The following POU6F2 variants were observed in gnomAD, a reference collection of about 807,000 sequenced individuals.
POU6F2 encodes POU class 6 homeobox 2.
A neutral mutation model predicts 71.3 loss-of-function variants in POU6F2; 31 were observed. The ratio of observed to expected loss-of-function variants is 0.43; its 90% CI spans 0.33 to 0.59. POU6F2 has a LOEUF of 0.59. POU6F2 is among the 20% of genes least tolerant of loss of function. The pLI is 0.04. For missense variants in POU6F2, 783 were observed against 856.8 expected, an observed-to-expected ratio of 0.91 and a Z score of 1.07; for synonymous variants, 347 against 355.7, an observed-to-expected ratio of 0.98 and a Z score of 0.27.
intron 5 of POU6F2, among the ~76,000 whole-genome samples, chr7:39,358,913 T>G (rs1284085073): frequency 6.6e-6 from 1 of 152,064 alleles, no homozygotes; most frequent in Non-Finnish European, 1.5e-5. Context: ...GAAGATGCTT[T>G]TATTGTCCCA....
intron 2 of POU6F2, among the ~76,000 whole-genome samples, chr7:39,141,809 C>T (rs532480221): frequency 1.3e-5 from 2 of 152,148 alleles, no homozygotes; most frequent in African/African-American, 2.4e-5. Flanking sequence ...CACACCAGAC[C>T]GGGCACGGTG....
At chr7:39,333,700 TG>T (rs1462968773) in intron 4 of POU6F2, among the ~76,000 whole-genome samples, 3 of 152,220 alleles carry the variant, frequency 2.0e-5, no homozygotes, top group African/African-American at 7.2e-5. Context: ...ATTGTGCCAC[TG>T]CACTCCAGCC....
intron 2 of POU6F2, among the ~76,000 whole-genome samples, chr7:39,147,816 A>G (rs922318131): frequency 6.6e-5 from 10 of 152,168 alleles, no homozygotes; most frequent in Admixed American, 5.9e-4. Context: ...TTTGTGTCCT[A>G]TACTTCATTT....
At chr7:39,310,306 A>G (rs552059378) in intron 4 of POU6F2, among the ~76,000 whole-genome samples, 2 of 152,248 alleles carry the variant, frequency 1.3e-5, no homozygotes, top group Non-Finnish European at 2.9e-5. Flanking sequence ...AACACGTTAT[A>G]CACACTTAGG....
rs1360944557 is a variant in POU6F2, at chr7:39,347,135, A to AGGGTAT, written c.972+7121_972+7126dup. On this transcript the variant is annotated intron_variant, in intron 5 of 9. Coordinates refer to ENST00000518318, the MANE Select transcript of POU6F2 (RefSeq NM_001370959.1). ...GGGATTAAATGCAATGGCTTATGTG[A>AGGGTAT]GGGTATCTAATTTGGTTCCTGATAG... is the stretch of plus-strand genomic sequence containing the variant. Among the ~76,000 whole-genome samples, 3 of 152,138 alleles carry AGGGTAT rather than the reference A, an allele frequency of 2.0e-5. No homozygotes were observed. The East Asian group carries it at 5.8e-4, about 29-fold the overall frequency.
chr7:39,358,295 T>C (rs1786301593), intron 5 of POU6F2, among the ~76,000 whole-genome samples: 1 of 152,100 alleles, frequency 6.6e-6, no homozygotes, highest in Non-Finnish European at 1.5e-5. Context: ...AAAAGAATAA[T>C]GTGGGTGGAC....
chr7:38,983,005 T>C (rs1245159495), intron 1 of POU6F2, among the ~76,000 whole-genome samples: 1 of 152,116 alleles, frequency 6.6e-6, no homozygotes, highest in African/African-American at 2.4e-5. Context: ...TTTCTCTTTA[T>C]TGCTTACAAA....
rs528746522 is a variant in POU6F2 at position 39,019,391 on chromosome 7, C to T, written c.105+41333C>T. ...GACCTTCTTTAGAATCCTTGTGTTC[C>T]GAAATTTTATAAGAATGTTCTTAGA... On this transcript the variant is annotated intron_variant, in intron 1 of 9. Transcript: ENST00000518318. 7.2e-5 allele frequency among the ~76,000 whole-genome samples: 11 copies of T among 152,136 alleles called. No individual in the cohort carries two copies. In the East Asian group the frequency reaches 1.7e-3, roughly 24 times the overall value.
intron 4 of POU6F2, among the ~76,000 whole-genome samples, chr7:39,276,451 G>T (rs1390147949): frequency 6.6e-6 from 1 of 151,958 alleles, no homozygotes; most frequent in Non-Finnish European, 1.5e-5. Context: ...TACACTGTTG[G>T]TGGAACTGTA....
chr7:39,143,419 G>A (rs1792548256), intron 2 of POU6F2, among the ~76,000 whole-genome samples: 1 of 152,242 alleles, frequency 6.6e-6, no homozygotes, highest in Non-Finnish European at 1.5e-5. Context: ...AAGAGTTGAA[G>A]CCAGGTCTAG....
chr7:39,189,442 A>G (rs563055624), intron 2 of POU6F2, among the ~76,000 whole-genome samples: 1 of 152,294 alleles, frequency 6.6e-6, no homozygotes, highest in South Asian at 2.1e-4. Flanking sequence ...GCAGTTGCAT[A>G]GGCTGGAGTG....
chr7:39,424,116 A>G (rs559176647), intron 6 of POU6F2, among the ~76,000 whole-genome samples: 9 of 152,296 alleles, frequency 5.9e-5, no homozygotes, highest in African/African-American at 1.4e-4. Flanking sequence ...AGTGGTAGGG[A>G]CCAGGGAACT....
intron 1 of POU6F2, among the ~76,000 whole-genome samples, chr7:39,068,941 G>A (rs556823987): frequency 4.6e-5 from 7 of 152,228 alleles, no homozygotes; most frequent in African/African-American, 1.7e-4. Context: ...GTTTGAGGAA[G>A]GATCCGGAAA....
Position 39,460,623 on chromosome 7 carries a change from C to A in POU6F2, c.1566C>A (p.Ile522=). The change falls in exon 9 of 10, where the codon ATC becomes ATA. Residue 522 remains isoleucine, a synonymous_variant. Transcript: ENST00000518318. The surrounding 1 kb of genome is among the most constrained non-coding windows in gnomAD (Gnocchi z 4.4). ...GAGAATTTGCCAAAGCTTTTAAAATCCGGCGCCTGTCCCTTGGCCTGACCC... is the reference window on the plus strand; with the variant it reads ...GAGAATTTGCCAAAGCTTTTAAAATACGGCGCCTGTCCCTTGGCCTGACCC... ...EIREFAKAFK[I]RRLSLGLTQT... The A allele has an allele frequency of 6.2e-7, 1 of 1,610,846 alleles. No individual in the cohort carries two copies. Among genetic ancestry groups the A allele is most frequent in the Non-Finnish European group, 8.5e-7 (1 of 1,178,498 alleles).
chr7:39,210,220 C>G (rs542080471), intron 4 of POU6F2, among the ~76,000 whole-genome samples: 78 of 152,282 alleles, frequency 5.1e-4, no homozygotes, highest in Non-Finnish European at 8.5e-4. Flanking sequence ...GTCTGCACAC[C>G]TAGTCTGAAG....
intron 3 of POU6F2, among the ~76,000 whole-genome samples, chr7:39,205,265 C>T (rs563808856): frequency 5.9e-5 from 9 of 152,104 alleles, no homozygotes; most frequent in African/African-American, 1.4e-4. Flanking sequence ...TGGTGTCATA[C>T]GCTTTATAAT....
At position 39,184,818 on chromosome 7, in the gene POU6F2, C is replaced by T. The variant is rs10252761; in HGVS notation, c.278-19417C>T. Among the ~76,000 whole-genome samples the T allele has an allele frequency of 1.1e-3, 172 of 152,248 alleles. 1 individual carries two copies. Among genetic ancestry groups the T allele is most frequent in the African/African-American group, 3.8e-3 (156 of 41,538 alleles). On this transcript the variant is annotated intron_variant, in intron 2 of 9. Transcript: ENST00000518318. ...TTTTTCCCTTTGTCTGCCACCTCCACCCTCACCTACAGTTTAATAAACAGT... is the reference window on the plus strand; with the variant it reads ...TTTTTCCCTTTGTCTGCCACCTCCATCCTCACCTACAGTTTAATAAACAGT...
At chr7:39,313,490 A>G (rs952989454) in intron 4 of POU6F2, among the ~76,000 whole-genome samples, 4 of 151,966 alleles carry the variant, frequency 2.6e-5, no homozygotes, top group African/African-American at 9.7e-5. Context: ...TGAGGTTGCA[A>G]ATTATTATCT....
chr7:39,056,981 A>G (rs1790542410), intron 1 of POU6F2, among the ~76,000 whole-genome samples: 1 of 152,064 alleles, frequency 6.6e-6, no homozygotes, highest in African/African-American at 2.4e-5. Context: ...TCATTTCTCT[A>G]TGAGCTGCTG....
Sources: allele counts gnomAD v4.1 joint callset (sites outside exome capture counted in the v4.1 genomes callset), GRCh38; gene constraint gnomAD v4.1.1; non-coding constraint Gnocchi (gnomAD v3.1); transcripts MANE v1.5; gene names NCBI Gene and HGNC (gene_info 2026-07-23, HGNC 2026-07-21).